The following FAM178B variants were observed in gnomAD, a reference collection of about 807,000 sequenced individuals.
The protein encoded by FAM178B is protein FAM178B.
FAM178B carries 82 observed loss-of-function variants against 91.7 expected under a neutral mutation model. The observed-to-expected ratio is 0.89, with a 90% CI of 0.75 to 1.07. The LOEUF is 1.07. FAM178B is among the 50% of genes least tolerant of loss of function. The pLI is 0.00. For synonymous variants in FAM178B, 368 were observed against 359.4 expected (o/e 1.02, Z -0.27); for missense variants, 769 against 846.7 (o/e 0.91, Z 1.14).
chr2:96,879,974 C>T (rs1228698188), intron 14 of FAM178B, among the ~76,000 whole-genome samples: 1 of 152,246 alleles, frequency 6.6e-6, no homozygotes, highest in Non-Finnish European at 1.5e-5. Flanking sequence ...AGCTCACTGC[C>T]CCCTTGTCAT....
chr2:96,905,303 A>G (rs1298653025), intron 12 of FAM178B, among the ~76,000 whole-genome samples: 1 of 152,168 alleles, frequency 6.6e-6, no homozygotes, highest in East Asian at 1.9e-4. Context: ...CACGCCTGTA[A>G]TCCCAACACT....
intron 8 of FAM178B, among the ~76,000 whole-genome samples, chr2:96,936,256 C>T (rs190229140): frequency 1.4e-3 from 211 of 152,218 alleles, no homozygotes; most frequent in African/African-American, 5.0e-3. Context: ...GGCTGGGGTG[C>T]AGTGGCATGA....
Position 96,939,251 on chromosome 2 carries a change from C to T in FAM178B, c.1078+8567G>A, listed in dbSNP as rs2081684958. On this transcript the variant is annotated intron_variant, in intron 8 of 16. Transcript: ENST00000490605. The stretch of plus-strand genomic sequence containing the variant: ...GTGGCTCACCCCTGTAATCCCAGCA[C>T]TTCGGGAGGCTGAGGCGGGCGGATC... The T allele has an allele frequency of 4.0e-5, 6 of 151,692 alleles. No homozygotes were observed. In the South Asian group the frequency reaches 1.0e-3, roughly 26 times the overall value. The allele number at this position is 151,692 out of a possible 1,614,324, so 9.4% of individuals were successfully genotyped here. A position where few individuals can be genotyped will look rare whatever the true frequency, so the allele number is the denominator to read the frequency against.
intron 5 of FAM178B, among the ~76,000 whole-genome samples, chr2:96,963,597 C>T (rs2082109913): frequency 6.6e-6 from 1 of 152,226 alleles, no homozygotes; most frequent in Non-Finnish European, 1.5e-5. Flanking sequence ...AATCCCAACA[C>T]ATTCCTAAAC....
chr2:96,887,215 A>AAACAACAAC (rs36102912), intron 14 of FAM178B, among the ~76,000 whole-genome samples: 8 of 150,946 alleles, frequency 5.3e-5, no homozygotes, highest in South Asian at 2.1e-4. Flanking sequence ...ACTCTATCTC[A>AAACAACAAC]AACAACAACA....
chr2:96,962,596 T>C (rs936796643), intron 5 of FAM178B, among the ~76,000 whole-genome samples: 1 of 152,210 alleles, frequency 6.6e-6, no homozygotes, highest in Non-Finnish European at 1.5e-5. Flanking sequence ...GCGACTCTTA[T>C]ACATCTAATT....
intron 14 of FAM178B, among the ~76,000 whole-genome samples, chr2:96,884,124 C>T (rs1262954783): frequency 6.6e-6 from 1 of 152,122 alleles, no homozygotes; most frequent in Non-Finnish European, 1.5e-5. Context: ...CTATATAGTA[C>T]CACTTCACGG....
At chr2:96,984,977 C>CA (rs1490840778) in intron 1 of FAM178B, among the ~76,000 whole-genome samples, 1 of 152,138 alleles carries the variant, frequency 6.6e-6, no homozygotes, top group Non-Finnish European at 1.5e-5. Context: ...CTAAGACCGA[C>CA]AAAAAGCTGC....
At chr2:96,926,859 T>C (rs920819484) in intron 9 of FAM178B, among the ~76,000 whole-genome samples, 1 of 152,204 alleles carries the variant, frequency 6.6e-6, no homozygotes, top group Non-Finnish European at 1.5e-5. Flanking sequence ...GGTGGGGACA[T>C]GCACAGATGT....
chr2:96,903,773 C>A (rs995401326), intron 12 of FAM178B, among the ~76,000 whole-genome samples: 4 of 152,202 alleles, frequency 2.6e-5, no homozygotes, highest in African/African-American at 7.2e-5. Flanking sequence ...CAGAGAGGCT[C>A]CCTGGGTGAA....
chr2:96,910,222 A>G (rs1042708731), intron 12 of FAM178B, among the ~76,000 whole-genome samples: 1 of 152,112 alleles, frequency 6.6e-6, no homozygotes, highest in African/African-American at 2.4e-5. Flanking sequence ...GGAGGAGCAC[A>G]TCAAGCACCA....
intron 5 of FAM178B, among the ~76,000 whole-genome samples, chr2:96,961,961 T>C (rs537311386): frequency 6.6e-6 from 1 of 152,332 alleles, no homozygotes; most frequent in East Asian, 1.9e-4. Context: ...GTTCATGTCT[T>C]TGCCATTAGT....
At chr2:96,926,129 C>T (rs567019818) in intron 9 of FAM178B, among the ~76,000 whole-genome samples, 1 of 152,248 alleles carries the variant, frequency 6.6e-6, no homozygotes, top group East Asian at 1.9e-4. Flanking sequence ...CATGGTGAAA[C>T]CCCATCTCTA....
chr2:96,945,790 C>T (rs2081817432), intron 8 of FAM178B, among the ~76,000 whole-genome samples: 1 of 152,206 alleles, frequency 6.6e-6, no homozygotes, highest in South Asian at 2.1e-4. Context: ...TCTCTGGGCA[C>T]CTGGCCCTTT....
intron 14 of FAM178B, among the ~76,000 whole-genome samples, chr2:96,893,256 G>A (rs1049487794): frequency 1.3e-5 from 2 of 152,154 alleles, no homozygotes; most frequent in Admixed American, 1.3e-4. Flanking sequence ...GCTGAGCCCG[G>A]GATGCCCACT....
chr2:96,910,624 G>A (rs894642827), intron 12 of FAM178B, among the ~76,000 whole-genome samples: 18 of 144,192 alleles, frequency 1.2e-4, no homozygotes, highest in Non-Finnish European at 1.8e-4. Context: ...CCGTTTGTCC[G>A]GCTACCTTAC....
intron 8 of FAM178B, among the ~76,000 whole-genome samples, chr2:96,933,257 A>T (rs1402333362): frequency 1.3e-5 from 2 of 152,158 alleles, no homozygotes; most frequent in Non-Finnish European, 2.9e-5. Context: ...AAAAATAAAA[A>T]AAAAAATTAA....
In FAM178B at chr2:96,876,202, G is replaced by C. The variant is rs1030227128; in HGVS notation, c.*74C>G. 1 of 1,500,904 alleles carries C rather than the reference G, an allele frequency of 6.7e-7. No individual in the cohort carries two copies. Among genetic ancestry groups the C allele is most frequent in the Non-Finnish European group, 9.1e-7 (1 of 1,094,782 alleles). The allele number at this position is 1,500,904 out of a possible 1,614,324, so 93.0% of individuals were successfully genotyped here. A position where few individuals can be genotyped will look rare whatever the true frequency, so the allele number is the denominator to read the frequency against. Reference sequence around the variant, plus strand: ...TGGCCTCCTCTGGCCTTGATGCTTCGCTTCCTCCAGTTCCCTGAGCCTGTT... The same window carrying C: ...TGGCCTCCTCTGGCCTTGATGCTTCCCTTCCTCCAGTTCCCTGAGCCTGTT... On this transcript the variant is annotated 3_prime_UTR_variant, in exon 17 of 17. Coordinates refer to ENST00000490605, the MANE Select transcript of FAM178B (RefSeq NM_001122646.3).
intron 8 of FAM178B, among the ~76,000 whole-genome samples, chr2:96,930,104 G>C (rs1416770639): frequency 6.7e-6 from 1 of 148,634 alleles, no homozygotes; most frequent in Admixed American, 6.9e-5. Context: ...TGTAGTCCCA[G>C]GATAATTGCT....
Sources: allele counts gnomAD v4.1 joint callset (sites outside exome capture counted in the v4.1 genomes callset), GRCh38; gene constraint gnomAD v4.1.1; transcripts MANE v1.5; gene names NCBI Gene and HGNC (gene_info 2026-07-23, HGNC 2026-07-21).